Variants in SLC5A1 observed in about 807,000 individuals in gnomAD.
SLC5A1 encodes sodium/glucose cotransporter 1.
A neutral mutation model predicts 73.5 loss-of-function variants in SLC5A1; 42 were observed. That is an observed-to-expected ratio of 0.57 (90% CI 0.45 to 0.74). The LOEUF (loss-of-function observed/expected upper bound fraction) is 0.74, where lower values mean the gene tolerates loss of function less well. Among genes scored for constraint, SLC5A1 ranks in the 30% least tolerant of loss-of-function variants. The probability of loss-of-function intolerance (pLI) is 0.00; values close to 1 mark genes in which losing one functional copy is unlikely to be tolerated. For missense variants in SLC5A1, 634 were observed against 855.4 expected (o/e 0.74, Z 3.23); for synonymous variants, 300 against 317.4 (o/e 0.95, Z 0.58).
intron 3 of SLC5A1, among the ~76,000 whole-genome samples, chr22:32,067,724 C>T (rs2093976142): frequency 6.6e-6 from 1 of 152,020 alleles, no homozygotes; most frequent in Admixed American, 6.6e-5. Context: ...AAGGAGAACC[C>T]AGTGCTCTAG....
At position 32,084,941 on chromosome 22, in the gene SLC5A1, C is replaced by A. The variant is rs750332253; in HGVS notation, c.927C>A (p.His309Gln). The change falls in exon 9 of 15, where the codon CAC becomes CAA. Residue 309 changes from histidine to glutamine, a missense_variant. Transcript: ENST00000266088. ...QRCLSAKNMS[H>Q]VKGGCILCGY... ...GCCTCTCAGCCAAGAATATGTCTCA[C>A]GTGAAGGGTGGCTGCATCCTGTGTG... 6.2e-7 allele frequency: 1 copy of A among 1,614,030 alleles called. No homozygotes were observed. The highest frequency in any genetic ancestry group is 1.3e-5 in the African/African-American group (1 of 74,922).
chr22:32,095,353 A>G (rs1260915534), intron 11 of SLC5A1, among the ~76,000 whole-genome samples: 2 of 152,182 alleles, frequency 1.3e-5, no homozygotes, highest in Non-Finnish European at 2.9e-5. Context: ...ATATCTGTTA[A>G]GTCCATTTGT....
intron 3 of SLC5A1, among the ~76,000 whole-genome samples, chr22:32,067,701 C>G (rs1024511575): frequency 6.6e-6 from 1 of 151,788 alleles, no homozygotes; most frequent in Non-Finnish European, 1.5e-5. Flanking sequence ...CTGTGTAAAC[C>G]AGGGAAGAGG....
chr22:32,099,431 G>A lies in SLC5A1; in HGVS notation c.1449+80G>A, dbSNP rs1203773793. On this transcript the variant is annotated intron_variant, in intron 12 of 14. Coordinates refer to ENST00000266088, the MANE Select transcript of SLC5A1 (RefSeq NM_000343.4). ...GTGGGTTTGCATATTCTCTGTGGGA[G>A]GGATTCTATTTCCCAGAGATCTTGA... The A allele has an allele frequency of 3.1e-6, 4 of 1,304,514 alleles. No homozygotes were observed. The African/African-American group carries it at 5.8e-5, about 19-fold the overall frequency. 80.8% of individuals were successfully genotyped at this position (1,304,514 alleles called of 1,614,324 possible). A position where few individuals can be genotyped will look rare whatever the true frequency, so the allele number is the denominator to read the frequency against.
chr22:32,086,080 G>A (rs1385308720), intron 9 of SLC5A1, 140 bp from the exon 10 acceptor site: 33 of 661,154 alleles, frequency 5.0e-5, no homozygotes, highest in Non-Finnish European at 8.8e-5. Context: ...GGCAGAGCTT[G>A]CAGTGAGCCG....
At chr22:32,088,900 C>A (rs955315932) in intron 10 of SLC5A1, among the ~76,000 whole-genome samples, 4 of 152,226 alleles carry the variant, frequency 2.6e-5, no homozygotes, top group Admixed American at 2.6e-4. Context: ...CCAATCCACA[C>A]CAACTTGTGT....
At chr22:32,091,010 T>C (rs1603134408) in intron 10 of SLC5A1, among the ~76,000 whole-genome samples, 1 of 152,302 alleles carries the variant, frequency 6.6e-6, no homozygotes, top group African/African-American at 2.4e-5. Context: ...TCTTTTCATG[T>C]CATTATTGGC....
intron 3 of SLC5A1, among the ~76,000 whole-genome samples, chr22:32,067,361 TTAAA>T (rs1402284603): frequency 0.091 from 6,640 of 72,788 alleles, 207 homozygotes; most frequent in Non-Finnish European, 0.14. Context: ...ATTATTTTTT[TTAAA>T]AAAATTTTTA....
At chr22:32,092,319 A>T (rs572303991) in intron 11 of SLC5A1, among the ~76,000 whole-genome samples, 1 of 152,290 alleles carries the variant, frequency 6.6e-6, no homozygotes, top group South Asian at 2.1e-4. Context: ...ATATGTATAT[A>T]TACACCATAA....
At position 32,068,423 on chromosome 22, in the gene SLC5A1, G is replaced by A. The variant is rs988398189; in HGVS notation, c.373-73G>A. ...CTTCTGTGGCTCTGATATTAGGATGGTGTCACTGTTCTGTCTGCTCTGGGC... is the reference window on the plus strand; with the variant it reads ...CTTCTGTGGCTCTGATATTAGGATGATGTCACTGTTCTGTCTGCTCTGGGC... On this transcript the variant is annotated intron_variant, in intron 4 of 14. Transcript: ENST00000266088. 4.3e-6 allele frequency: 4 copies of A among 919,956 alleles called. No homozygotes were observed. The African/African-American group carries it at 6.5e-5, about 15-fold the overall frequency. 57.0% of individuals were successfully genotyped at this position (919,956 alleles called of 1,614,324 possible). A position where few individuals can be genotyped will look rare whatever the true frequency, so the allele number is the denominator to read the frequency against.
At position 32,085,050 on chromosome 22, in the gene SLC5A1, T is replaced by C. The variant is rs2094005903; in HGVS notation, c.1021+15T>C. On this transcript the variant is annotated intron_variant, in intron 9 of 14. Coordinates refer to ENST00000266088, the MANE Select transcript of SLC5A1 (RefSeq NM_000343.4). ...TCTGTACACAGGTAATAACTTCTGC[T>C]GGACCCACAAACCACTCTCCCTTTT... 2.5e-6 allele frequency: 4 copies of C among 1,614,152 alleles called. No homozygotes were observed. The East Asian group carries it at 8.9e-5, about 36-fold the overall frequency.
chr22:32,077,390 T>A (rs893801812), intron 5 of SLC5A1, among the ~76,000 whole-genome samples: 1 of 151,178 alleles, frequency 6.6e-6, no homozygotes, highest in Non-Finnish European at 1.5e-5. Flanking sequence ...TCTCTTTCCT[T>A]CTCTCCCTTC....
intron 1 of SLC5A1, among the ~76,000 whole-genome samples, chr22:32,048,107 G>C (rs574543104): frequency 6.8e-6 from 1 of 147,024 alleles, no homozygotes; most frequent in African/African-American, 2.5e-5. Flanking sequence ...AGCTGAGACT[G>C]CACTACTGCA....
chr22:32,084,835 G>A lies in SLC5A1; in HGVS notation c.886-65G>A, dbSNP rs1160462903. The A allele has an allele frequency of 2.5e-6, 4 of 1,608,560 alleles. 1 individual carries two copies. The South Asian group carries it at 4.4e-5, about 18-fold the overall frequency. On this transcript the variant is annotated intron_variant, in intron 8 of 14. Transcript: ENST00000266088. ...CCAATGACCCAAGATGGCGAAGCTA[G>A]GAAGTACAAAGGTGTCACAGGGTCT...
In SLC5A1 at chr22:32,068,041, TG is replaced by T; in HGVS notation, c.372+16del. 1 of 1,612,384 alleles carries T rather than the reference TG, an allele frequency of 6.2e-7. No homozygotes were observed. The highest frequency in any genetic ancestry group is 8.5e-7 in the Non-Finnish European group (1 of 1,178,334). On this transcript the variant is annotated intron_variant, in intron 4 of 14. Coordinates refer to ENST00000266088, the MANE Select transcript of SLC5A1 (RefSeq NM_000343.4). ...TTAAGGCTGGGGTAAGTATCTGCTC[TG>T]TTATTTCATTTCCTGCTGGCAAATG...
chr22:32,060,498 A>G (rs924788602), intron 2 of SLC5A1, among the ~76,000 whole-genome samples: 1 of 152,140 alleles, frequency 6.6e-6, no homozygotes, highest in Non-Finnish European at 1.5e-5. Flanking sequence ...CCCAGCGGGT[A>G]ACAGATCTTT....
Position 32,085,058 on chromosome 22 carries a change from C to A in SLC5A1, c.1021+23C>A, listed in dbSNP as rs1224472753. ...CAGGTAATAACTTCTGCTGGACCCA[C>A]AAACCACTCTCCCTTTTTCTGTCTC... On this transcript the variant is annotated intron_variant, in intron 9 of 14. Transcript: ENST00000266088. The A allele has an allele frequency of 4.3e-6, 7 of 1,613,782 alleles. No individual in the cohort carries two copies. In the African/African-American group the frequency reaches 8.0e-5, roughly 18 times the overall value.
At chr22:32,080,582 C>T (rs2093998130) in intron 5 of SLC5A1, among the ~76,000 whole-genome samples, 1 of 152,116 alleles carries the variant, frequency 6.6e-6, no homozygotes, top group Non-Finnish European at 1.5e-5. Context: ...GGCCCATCCC[C>T]AAGGCTCCGT....
rs1451675779 is a variant in SLC5A1 at position 32,068,024 on chromosome 22, G to C, written c.370G>C (p.Gly124Arg). ...GTTTGTCCCCATCTATATTAAGGCT[G>C]GGGTAAGTATCTGCTCTGTTATTTC... is the stretch of plus-strand genomic sequence containing the variant. Reference protein sequence around the residue: ...WLFVPIYIKAGVVTMPEYLRK... With the variant: ...WLFVPIYIKARVVTMPEYLRK... The change falls in exon 4 of 15, where the codon GGG becomes CGG. Residue 124 changes from glycine (G) to arginine (R), a missense_variant and splice_region_variant. Around this residue, in one of 3 missense-constraint regions of SLC5A1, gnomAD observed 422 missense variants for 626.1 expected, o/e 0.67. Coordinates refer to ENST00000266088, the MANE Select transcript of SLC5A1 (RefSeq NM_000343.4). 2 of 1,613,896 alleles carry C rather than the reference G, an allele frequency of 1.2e-6. No homozygotes were observed. The highest frequency in any genetic ancestry group is 8.5e-7 in the Non-Finnish European group (1 of 1,179,778).
Sources: allele counts gnomAD v4.1 joint callset (sites outside exome capture counted in the v4.1 genomes callset), GRCh38; gene constraint gnomAD v4.1.1; regional missense constraint gnomAD v4.1.1; transcripts MANE v1.5; gene names NCBI Gene and HGNC (gene_info 2026-07-23, HGNC 2026-07-21).